PDE4D: variants seen among roughly 807,000 people sequenced by gnomAD.
PDE4D encodes the protein phosphodiesterase 4D.
A neutral mutation model predicts 87.4 loss-of-function variants in PDE4D; 24 were observed. That is an observed-to-expected ratio of 0.27 (90% CI 0.20 to 0.39). PDE4D has a LOEUF of 0.39. PDE4D is among the 10% of genes least tolerant of loss of function. PDE4D has a pLI of 1.00. For synonymous variants in PDE4D, 384 were observed against 383.2 expected (o/e 1.00, Z -0.02); for missense variants, 714 against 1,041.0 (o/e 0.69, Z 4.32).
chr5:59,079,202 A>G (rs1766234933), intron 5 of PDE4D, among the ~76,000 whole-genome samples: 1 of 152,212 alleles, frequency 6.6e-6, no homozygotes, highest in Admixed American at 6.5e-5. Context: ...AGGAGCATGA[A>G]AAAGGACTTT....
intron 1 of PDE4D, among the ~76,000 whole-genome samples, chr5:59,251,469 C>A (rs980399125): frequency 6.6e-6 from 1 of 152,030 alleles, no homozygotes; most frequent in East Asian, 1.9e-4. Context: ...CAAATCAAAA[C>A]CACAAGATAC....
intron 1 of PDE4D, among the ~76,000 whole-genome samples, chr5:59,882,596 T>A (rs916745573): frequency 6.6e-6 from 1 of 152,156 alleles, no homozygotes; most frequent in Admixed American, 6.5e-5. Flanking sequence ...TTCTAACATT[T>A]AACTGGCTTA....
chr5:59,757,712 C>T (rs926380401), intron 1 of PDE4D, among the ~76,000 whole-genome samples: 4 of 152,170 alleles, frequency 2.6e-5, no homozygotes, highest in African/African-American at 9.7e-5. Flanking sequence ...TAACAGATTT[C>T]TGACTTGATC....
intron 1 of PDE4D, among the ~76,000 whole-genome samples, chr5:59,870,315 A>C (rs1192069769): frequency 6.6e-6 from 1 of 152,222 alleles, no homozygotes; most frequent in Non-Finnish European, 1.5e-5. Context: ...ATACCAAATC[A>C]ACTTAAATTC....
intron 1 of PDE4D, among the ~76,000 whole-genome samples, chr5:59,551,508 A>T (rs1818121929): frequency 6.6e-6 from 1 of 151,222 alleles, no homozygotes; most frequent in Non-Finnish European, 1.5e-5. Context: ...TACATAAATG[A>T]GTCTTATTTG....
intron 6 of PDE4D, among the ~76,000 whole-genome samples, chr5:59,034,670 G>T (rs1580430001): frequency 6.6e-6 from 1 of 152,164 alleles, no homozygotes; most frequent in African/African-American, 2.4e-5. Flanking sequence ...TGCTAGAGAG[G>T]TTTGCCAAAA....
chr5:59,905,095 A>G (rs1752678486), intron 3 of PDE4D, among the ~76,000 whole-genome samples: 1 of 152,150 alleles, frequency 6.6e-6, no homozygotes, highest in Non-Finnish European at 1.5e-5. Flanking sequence ...GAAGAAGGAT[A>G]TGAACCATTA....
chr5:59,620,932 G>C (rs1830277009), intron 1 of PDE4D, among the ~76,000 whole-genome samples: 1 of 151,956 alleles, frequency 6.6e-6, no homozygotes, highest in Admixed American at 6.6e-5. Flanking sequence ...ATTATAAAAA[G>C]ATAAATGGAA....
rs1055669409 is a variant in PDE4D at position 59,654,643 on chromosome 5, C to T, written c.455+238525G>A. ...CTGTTTAAAATGTACAATTCAGTGA[C>T]ATTAGTGCATTCACAGAGTTGTGCC... On this transcript the variant is annotated intron_variant, in intron 1 of 14. Coordinates refer to ENST00000340635, the MANE Select transcript of PDE4D (RefSeq NM_001104631.2). Among the ~76,000 whole-genome samples, 5 of 152,176 alleles carry T rather than the reference C, an allele frequency of 3.3e-5. No homozygotes were observed. The East Asian group carries it at 9.6e-4, about 29-fold the overall frequency.
At chr5:59,365,857 T>C (rs369265195) in intron 1 of PDE4D, among the ~76,000 whole-genome samples, 53 of 152,180 alleles carry the variant, frequency 3.5e-4, no homozygotes, top group African/African-American at 1.2e-3. Context: ...TGACAAACGG[T>C]CCCTTTGAAT....
chr5:59,027,448 CCTT>C (rs1029566771), intron 6 of PDE4D, among the ~76,000 whole-genome samples: 2 of 152,078 alleles, frequency 1.3e-5, no homozygotes, highest in African/African-American at 4.8e-5. Flanking sequence ...TGTTCTCCCT[CCTT>C]GAGAGTAGAG....
intron 3 of PDE4D, among the ~76,000 whole-genome samples, chr5:59,966,705 T>C (rs78981827): frequency 0.037 from 5,591 of 152,294 alleles, 313 homozygotes; most frequent in African/African-American, 0.13. Context: ...TAATATAGCA[T>C]TGTACAAAGT....
intron 1 of PDE4D, among the ~76,000 whole-genome samples, chr5:59,861,705 A>G (rs1406203975): frequency 6.6e-6 from 1 of 152,228 alleles, no homozygotes; most frequent in Non-Finnish European, 1.5e-5. Context: ...GTGAAAACAC[A>G]TATTACCAAG....
In PDE4D at chr5:59,322,242, A is replaced by AT. The variant is rs540154832; in HGVS notation, c.456-106275dup. 4.6e-5 allele frequency among the ~76,000 whole-genome samples: 7 copies of AT among 152,198 alleles called. No individual in the cohort carries two copies. The East Asian group carries it at 7.7e-4, about 17-fold the overall frequency. On this transcript the variant is annotated intron_variant, in intron 1 of 14. Transcript: ENST00000340635. The stretch of plus-strand genomic sequence containing the variant: ...ACATACTAAGGAAAATAGTTCAATC[A>AT]TTTTTTATTGCTTTAGTTCTTATCA...
intron 1 of PDE4D, among the ~76,000 whole-genome samples, chr5:60,513,369 G>C (rs1346091258): frequency 6.6e-6 from 1 of 152,084 alleles, no homozygotes; most frequent in Non-Finnish European, 1.5e-5. Flanking sequence ...ATACATGGCT[G>C]AATTTACTAG....
chr5:60,203,643 T>C (rs1742172975), intron 1 of PDE4D, among the ~76,000 whole-genome samples: 1 of 152,204 alleles, frequency 6.6e-6, no homozygotes, highest in Admixed American at 6.5e-5. Flanking sequence ...GTATATACAG[T>C]AATAGCTTTA....
intron 1 of PDE4D, among the ~76,000 whole-genome samples, chr5:60,450,580 C>T (rs1393863338): frequency 1.3e-5 from 2 of 152,096 alleles, no homozygotes; most frequent in South Asian, 2.1e-4. Context: ...GACCAAAAAA[C>T]TTGTATCTGC....
intron 1 of PDE4D, among the ~76,000 whole-genome samples, chr5:60,332,332 C>T (rs1757377669): frequency 6.6e-6 from 1 of 152,180 alleles, no homozygotes; most frequent in Non-Finnish European, 1.5e-5. Flanking sequence ...CCTTGCCCCC[C>T]TCCCTCTCTG....
At chr5:60,341,538 T>C (rs1232977069) in intron 1 of PDE4D, among the ~76,000 whole-genome samples, 1 of 152,164 alleles carries the variant, frequency 6.6e-6, no homozygotes, top group Non-Finnish European at 1.5e-5. Context: ...CAAATCTGAA[T>C]ATCAGGATTA....
Sources: gnomAD v4.1 joint callset for allele counts (sites outside exome capture counted in the v4.1 genomes callset) on GRCh38, gnomAD v4.1.1 for gene constraint, MANE v1.5 for transcripts, NCBI Gene and HGNC (gene_info 2026-07-23, HGNC 2026-07-21) for gene names.